The following SNX29 variants were observed in gnomAD, a reference collection of about 807,000 sequenced individuals.
The protein encoded by SNX29 is sorting nexin 29, also known as sorting nexin-29.
Under a neutral mutation model 102.1 loss-of-function variants are expected in SNX29, and 78 were observed. The observed-to-expected ratio is 0.76, with a 90% CI of 0.64 to 0.92. The LOEUF (loss-of-function observed/expected upper bound fraction) is 0.92, where lower values mean the gene tolerates loss of function less well. SNX29 is among the 40% of genes least tolerant of loss of function. The pLI, the probability that SNX29 is intolerant of heterozygous loss-of-function variation, is 0.00. For synonymous variants in SNX29, 580 were observed against 414.5 expected (o/e 1.40, Z -4.85); for missense variants, 1,280 against 1,061.7 (o/e 1.21, Z -2.86).
Position 12,096,557 on chromosome 16 carries a change from T to C in SNX29, c.1402+17642T>C, listed in dbSNP as rs1206572718. 6.6e-6 allele frequency among the ~76,000 whole-genome samples: 1 copy of C among 152,254 alleles called. No individual in the cohort carries two copies. Among genetic ancestry groups the C allele is most frequent in the East Asian group, 1.9e-4 (1 of 5,200 alleles). ...CTCAGCACTCAGGAGATGTTAGCTC[T>C]TCTCACATGGGCCCTGCCCACAGAG... On this transcript the variant is annotated intron_variant, in intron 11 of 20. Transcript: ENST00000566228. The surrounding 1 kb of genome is among the most constrained non-coding windows in gnomAD (Gnocchi z 4.2).
At chr16:11,993,384 A>C (rs1308858313) in intron 1 of SNX29, among the ~76,000 whole-genome samples, 1 of 152,124 alleles carries the variant, frequency 6.6e-6, no homozygotes, top group Non-Finnish European at 1.5e-5. Context: ...CAGCAAACAC[A>C]GAGGCTTGGA....
chr16:12,527,135 C>A (rs1479488193), intron 20 of SNX29: 2 of 496,484 alleles, frequency 4.0e-6, no homozygotes, highest in African/African-American at 1.9e-5. Flanking sequence ...TGTTCCAAAT[C>A]CCACAGCCCC....
intron 15 of SNX29, among the ~76,000 whole-genome samples, chr16:12,329,361 C>G (rs776961300): frequency 2.0e-5 from 3 of 151,326 alleles, no homozygotes; most frequent in African/African-American, 4.9e-5. Flanking sequence ...AGGCAAAGAC[C>G]TGGGATGGAT....
chr16:12,231,532 TAAAAAAAAAAC>T (rs983785627), intron 14 of SNX29, among the ~76,000 whole-genome samples: 1 of 121,060 alleles, frequency 8.3e-6, no homozygotes, highest in Admixed American at 9.1e-5. Context: ...TGGGCCTTTT[TAAAAAAAAAAC>T]AAAAAACAAA....
intron 20 of SNX29, among the ~76,000 whole-genome samples, chr16:12,560,153 G>A (rs2078639866): frequency 5.0e-5 from 1 of 20,148 alleles, no homozygotes; most frequent in African/African-American, 1.4e-4. Context: ...CCAACAAACA[G>A]TAAAGCCTTT....
chr16:12,223,200 G>T (rs1206273240), intron 14 of SNX29, among the ~76,000 whole-genome samples: 1 of 152,092 alleles, frequency 6.6e-6, no homozygotes, highest in Non-Finnish European at 1.5e-5. Flanking sequence ...CCCTCCCTGG[G>T]CCTCAGTTTA....
intron 13 of SNX29, among the ~76,000 whole-genome samples, chr16:12,164,888 A>G (rs1300844494): frequency 2.0e-5 from 3 of 151,978 alleles, no homozygotes; most frequent in Non-Finnish European, 4.4e-5. Context: ...GGGTTTTACC[A>G]TGTTTGTCAG....
At chr16:12,032,733 T>A (rs1244062826) in intron 4 of SNX29, among the ~76,000 whole-genome samples, 1 of 152,094 alleles carries the variant, frequency 6.6e-6, no homozygotes, top group Non-Finnish European at 1.5e-5. Context: ...TTTAATTATT[T>A]TTTAGAAACC....
intron 18 of SNX29, among the ~76,000 whole-genome samples, chr16:12,471,671 C>T (rs1444576977): frequency 2.0e-5 from 3 of 152,328 alleles, no homozygotes; most frequent in African/African-American, 7.2e-5. Context: ...CTCACTCTCC[C>T]GAGGACAGCG....
chr16:12,536,183 A>T (rs1464554853), intron 20 of SNX29, among the ~76,000 whole-genome samples: 1 of 152,186 alleles, frequency 6.6e-6, no homozygotes, highest in Non-Finnish European at 1.5e-5. Context: ...CACATCACTC[A>T]GAAGATAAAG....
intron 4 of SNX29, among the ~76,000 whole-genome samples, chr16:12,035,702 C>G (rs575685793): frequency 6.6e-6 from 1 of 151,948 alleles, no homozygotes; most frequent in South Asian, 2.1e-4. Flanking sequence ...AGTGTGCCCT[C>G]ACATTCATCC....
At chr16:12,209,182 G>C (rs1281288717) in intron 14 of SNX29, among the ~76,000 whole-genome samples, 1 of 152,200 alleles carries the variant, frequency 6.6e-6, no homozygotes, top group Admixed American at 6.5e-5. Context: ...GTTGCAGGGG[G>C]GTAAAGTATA....
chr16:12,565,782 C>T lies in SNX29; in HGVS notation c.2319-2724C>T, dbSNP rs562697536. ...CCTTCACCTTTTTTCATTTTCACAT[C>T]TAGAGGGCCCTTTACACAGCAACCC... On this transcript the variant is annotated intron_variant, in intron 20 of 20. Transcript: ENST00000566228. Among the ~76,000 whole-genome samples the T allele has an allele frequency of 1.1e-4, 17 of 152,322 alleles. No individual in the cohort carries two copies. The South Asian group carries it at 2.5e-3, about 22-fold the overall frequency.
chr16:12,549,274 CACTCAGGGTCAGAAG>C (rs2077810229), intron 20 of SNX29, among the ~76,000 whole-genome samples: 1 of 152,084 alleles, frequency 6.6e-6, no homozygotes, highest in Non-Finnish European at 1.5e-5. Flanking sequence ...GGTGGTAGAT[CACTCAGGGTCAGAAG>C]TTGGAAACCA....
intron 14 of SNX29, among the ~76,000 whole-genome samples, chr16:12,211,453 C>A (rs1347673206): frequency 6.6e-6 from 1 of 152,124 alleles, no homozygotes; most frequent in Middle Eastern, 3.2e-3. Flanking sequence ...GAGGATGGGA[C>A]TGTTGCCTCC....
At chr16:12,416,594 A>C (rs564013508) in intron 18 of SNX29, among the ~76,000 whole-genome samples, 2 of 152,244 alleles carry the variant, frequency 1.3e-5, no homozygotes, top group African/African-American at 4.8e-5. Flanking sequence ...TAAAGAGAAG[A>C]GGTTTCTTTG....
At chr16:12,368,766 G>T (rs1312499522) in intron 16 of SNX29, among the ~76,000 whole-genome samples, 1 of 152,222 alleles carries the variant, frequency 6.6e-6, no homozygotes, top group East Asian at 1.9e-4. Flanking sequence ...TGCATGGTTT[G>T]AGTTTGCCGC....
chr16:12,472,547 A>C (rs558788692), intron 18 of SNX29, among the ~76,000 whole-genome samples: 25 of 151,478 alleles, frequency 1.7e-4, no homozygotes, highest in East Asian at 3.9e-4. Flanking sequence ...AAAAAAACAA[A>C]AAAAAAAAGA....
intron 13 of SNX29, among the ~76,000 whole-genome samples, chr16:12,136,490 T>C (rs1205474759): frequency 6.6e-6 from 1 of 152,222 alleles, no homozygotes; most frequent in Non-Finnish European, 1.5e-5. Flanking sequence ...GATTTTTTTC[T>C]TGCAGTAGCT....
Sources: allele counts gnomAD v4.1 joint callset (sites outside exome capture counted in the v4.1 genomes callset), GRCh38; gene constraint gnomAD v4.1.1; non-coding constraint Gnocchi (gnomAD v3.1); transcripts MANE v1.5; gene names NCBI Gene and HGNC (gene_info 2026-07-23, HGNC 2026-07-21).